ARID4A: variants seen among roughly 807,000 people sequenced by gnomAD.
The protein encoded by ARID4A is AT-rich interactive domain-containing protein 4A.
In ARID4A, 39 loss-of-function variants were observed where a neutral mutation model predicts 148.6. That is an observed-to-expected ratio of 0.26 (90% CI 0.20 to 0.34). ARID4A has a LOEUF of 0.34. Among genes scored for constraint, ARID4A ranks in the 10% least tolerant of loss-of-function variants. The pLI, the probability that ARID4A is intolerant of heterozygous loss-of-function variation, is 1.00. For synonymous variants in ARID4A, 475 were observed against 481.2 expected, an observed-to-expected ratio of 0.99 and a Z score of 0.17; for missense variants, 1,265 against 1,449.1, an observed-to-expected ratio of 0.87 and a Z score of 2.06.
intron 11 of ARID4A, among the ~76,000 whole-genome samples, chr14:58,340,159 G>T (rs1436055961): frequency 6.6e-6 from 1 of 152,064 alleles, no homozygotes; most frequent in Non-Finnish European, 1.5e-5. Context: ...TTATATATTT[G>T]GACAAGGGAT....
At chr14:58,329,063 A>C (rs1190737189) in intron 9 of ARID4A, among the ~76,000 whole-genome samples, 1 of 152,166 alleles carries the variant, frequency 6.6e-6, no homozygotes, top group Admixed American at 6.5e-5. Context: ...CAAAACAGTG[A>C]AATTAAAAAA....
Position 58,364,951 on chromosome 14 carries a change from T to C in ARID4A, c.2862T>C (p.Pro954=). Residue 954 remains proline, a synonymous_variant, in exon 20 of 24, where the codon CCT becomes CCC. Transcript: ENST00000355431. ...AGGATGCAATGCCTCTGATCGGGCC[T>C]GAAACCTTGGTTTGCCATGAAGTAG... is the stretch of plus-strand genomic sequence containing the variant. The part of the protein sequence containing the change: ...EDEDAMPLIG[P]ETLVCHEVDL... 2 of 1,614,154 alleles carry C rather than the reference T, an allele frequency of 1.2e-6. No homozygotes were observed. The highest frequency in any genetic ancestry group is 1.7e-6 in the Non-Finnish European group (2 of 1,180,006).
In ARID4A at chr14:58,318,575, G is replaced by A. The variant is rs2032628414; in HGVS notation, c.308G>A (p.Arg103His). 6.2e-7 allele frequency: 1 copy of A among 1,614,174 alleles called. No homozygotes were observed. Among genetic ancestry groups the A allele is most frequent in the Non-Finnish European group, 8.5e-7 (1 of 1,180,014 alleles). Residue 103 changes from arginine (R) to histidine (H), a missense_variant, in exon 6 of 24, where the codon CGT becomes CAT. By Grantham distance (29) the Arg-to-His change is conservative. Coordinates refer to ENST00000355431, the MANE Select transcript of ARID4A (RefSeq NM_002892.4). ...FDDGDERTLR[R>H]TSLCLKGERH... ...GATGGTGATGAGCGAACATTGAGAC[G>A]TACCTCACTTTGTCTGAAAGGAGAG...
intron 11 of ARID4A, 82 bp downstream of exon 11, chr14:58,330,251 T>C (rs1313433604): frequency 1.3e-5 from 20 of 1,505,136 alleles, no homozygotes; most frequent in Non-Finnish European, 1.7e-5. Context: ...TTTCCCTCTG[T>C]TTAGATTCTC....
chr14:58,323,447 TTG>T (rs2033026692), intron 7 of ARID4A, 36 bp from the exon 8 acceptor site: 5 of 1,584,446 alleles, frequency 3.2e-6, no homozygotes, highest in South Asian at 2.2e-5. Context: ...AAATAATTGT[TTG>T]TGTTAGGATA....
At chr14:58,366,750 T>C (rs2035375101) in intron 22 of ARID4A, 133 bp from the exon 23 acceptor site, 8 of 628,616 alleles carry the variant, frequency 1.3e-5, no homozygotes, top group South Asian at 1.1e-4. Context: ...TTCAGTCTTA[T>C]TCAGCTTACT....
At chr14:58,315,621 A>G (rs942424107) in intron 5 of ARID4A, among the ~76,000 whole-genome samples, 1 of 152,174 alleles carries the variant, frequency 6.6e-6, no homozygotes, top group Non-Finnish European at 1.5e-5. Flanking sequence ...GAAATCTTAT[A>G]CTTACAGATA....
chr14:58,319,571 AGTTTGTCT>A (rs2032718192), intron 7 of ARID4A, among the ~76,000 whole-genome samples: 1 of 83,904 alleles, frequency 1.2e-5, no homozygotes. Flanking sequence ...GGTGAGATGG[AGTTTGTCT>A]GTGCCACCAA....
chr14:58,359,079 G>T (rs538193788), intron 17 of ARID4A, 53 bp from the exon 18 acceptor site: 137 of 1,494,616 alleles, frequency 9.2e-5, no homozygotes, highest in Non-Finnish European at 1.1e-4. Context: ...TTTCAAAAAG[G>T]TTATAATGTA....
At position 58,298,564 on chromosome 14, in the gene ARID4A, A is replaced by C. The variant is rs1024690099; in HGVS notation, c.-194A>C. The C allele has an allele frequency of 1.3e-5, 2 of 152,924 alleles. 1 individual carries two copies. Among genetic ancestry groups the C allele is most frequent in the Non-Finnish European group, 2.9e-5 (2 of 68,284 alleles). 9.5% of individuals were successfully genotyped at this position (152,924 alleles called of 1,614,324 possible). ...AGCTTGTTATTTGGTGGATTGTGGC[A>C]GTAAATCGGGGCGAGTGGGGAACCC... On this transcript the variant is annotated 5_prime_UTR_variant, in exon 1 of 24. Transcript: ENST00000355431.
intron 11 of ARID4A, among the ~76,000 whole-genome samples, chr14:58,330,713 A>G (rs1474763041): frequency 6.6e-6 from 1 of 152,162 alleles, no homozygotes; most frequent in African/African-American, 2.4e-5. Flanking sequence ...CCAAACCCCA[A>G]AGAAAATTTC....
chr14:58,309,168 T>C (rs1243224872), intron 5 of ARID4A, among the ~76,000 whole-genome samples: 1 of 152,198 alleles, frequency 6.6e-6, no homozygotes, highest in Non-Finnish European at 1.5e-5. Context: ...CAGGCTTTTG[T>C]TCAGTAGCAC....
At chr14:58,362,165 C>T (rs145976487) in intron 19 of ARID4A, among the ~76,000 whole-genome samples, 384 of 152,260 alleles carry the variant, frequency 2.5e-3, no homozygotes, top group African/African-American at 8.9e-3. Context: ...AAGCTGAGAC[C>T]ATGTGGTTCT....
intron 23 of ARID4A, among the ~76,000 whole-genome samples, chr14:58,369,550 C>T (rs1027442905): frequency 7.0e-6 from 1 of 143,568 alleles, no homozygotes; most frequent in Non-Finnish European, 1.5e-5. Flanking sequence ...CACTTGAACC[C>T]GGAAGTGAGC....
chr14:58,312,801 C>T (rs964785142), intron 5 of ARID4A, among the ~76,000 whole-genome samples: 5 of 152,006 alleles, frequency 3.3e-5, no homozygotes, highest in African/African-American at 1.2e-4. Context: ...GTTTCTTTAC[C>T]TATAAAAGGA....
intron 11 of ARID4A, among the ~76,000 whole-genome samples, chr14:58,332,761 A>G (rs2033602953): frequency 6.6e-6 from 1 of 152,152 alleles, no homozygotes; most frequent in Non-Finnish European, 1.5e-5. Flanking sequence ...GAGTCTTCCC[A>G]AAATGTAACG....
intron 7 of ARID4A, among the ~76,000 whole-genome samples, chr14:58,319,044 T>G (rs983896424): frequency 3.3e-5 from 5 of 152,178 alleles, no homozygotes; most frequent in African/African-American, 1.2e-4. Flanking sequence ...GCCGAAGTTT[T>G]TTTTGTTTTG....
chr14:58,340,064 C>T (rs540184051), intron 11 of ARID4A, among the ~76,000 whole-genome samples: 15 of 152,270 alleles, frequency 9.9e-5, no homozygotes, highest in Middle Eastern at 3.4e-3. Context: ...CAAACCATAT[C>T]AGTTTCCCAT....
rs1433471738 is a variant in ARID4A at position 58,372,383 on chromosome 14, T to A, written c.*394T>A. The A allele has an allele frequency of 4.0e-6, 1 of 249,922 alleles. No individual in the cohort carries two copies. Among genetic ancestry groups the A allele is most frequent in the Non-Finnish European group, 7.7e-6 (1 of 129,676 alleles). The allele number at this position is 249,922 out of a possible 1,614,324, so 15.5% of individuals were successfully genotyped here. A position where few individuals can be genotyped will look rare whatever the true frequency, so the allele number is the denominator to read the frequency against. ...CAGCTGAATAGTTACTGCTGCACTTTCACTAAGATGTATTTGAACACTTGG... is the reference window on the plus strand; with the variant it reads ...CAGCTGAATAGTTACTGCTGCACTTACACTAAGATGTATTTGAACACTTGG... On this transcript the variant is annotated 3_prime_UTR_variant, in exon 24 of 24. Coordinates refer to ENST00000355431, the MANE Select transcript of ARID4A (RefSeq NM_002892.4).
Sources: gnomAD v4.1 joint callset for allele counts (sites outside exome capture counted in the v4.1 genomes callset) on GRCh38, gnomAD v4.1.1 for gene constraint, MANE v1.5 for transcripts, NCBI Gene and HGNC (gene_info 2026-07-23, HGNC 2026-07-21) for gene names.